PBX1: variants seen among roughly 807,000 people sequenced by gnomAD.
PBX1 encodes the protein PBX homeobox 1.
Under a neutral mutation model 53.4 loss-of-function variants are expected in PBX1, and 6 were observed. The ratio of observed to expected loss-of-function variants is 0.11; its 90% CI spans 0.06 to 0.22. PBX1 has a LOEUF of 0.22. Among genes scored for constraint, PBX1 ranks in the 10% least tolerant of loss-of-function variants. The pLI, the probability that PBX1 is intolerant of heterozygous loss-of-function variation, is 1.00. For synonymous variants in PBX1, 204 were observed against 212.3 expected, an observed-to-expected ratio of 0.96 and a Z score of 0.34; for missense variants, 251 against 551.4, an observed-to-expected ratio of 0.46 and a Z score of 5.46.
At chr1:164,614,980 G>A (rs1161340857) in intron 2 of PBX1, among the ~76,000 whole-genome samples, 2 of 152,134 alleles carry the variant, frequency 1.3e-5, no homozygotes, top group African/African-American at 2.4e-5. Context: ...TCACCATGTT[G>A]ACCAGGCTGG....
At chr1:164,667,410 A>ATG (rs199884600) in intron 2 of PBX1, among the ~76,000 whole-genome samples, 105 of 43,264 alleles carry the variant, frequency 2.4e-3, no homozygotes, top group Admixed American at 9.6e-3. Flanking sequence ...CATATGTATA[A>ATG]TATGTGTGTG....
At chr1:164,793,872 C>CCTTTCTTT (rs1553247240) in intron 3 of PBX1, among the ~76,000 whole-genome samples, 11 of 78,218 alleles carry the variant, frequency 1.4e-4, no homozygotes, top group African/African-American at 4.1e-4. Flanking sequence ...TTTTTCCTTT[C>CCTTTCTTT]TTTTTTTTTT....
chr1:164,648,190 C>G (rs566559880), intron 2 of PBX1, among the ~76,000 whole-genome samples: 11 of 152,234 alleles, frequency 7.2e-5, no homozygotes, highest in Admixed American at 1.3e-4. Flanking sequence ...AGGAGGTGAG[C>G]TTGAGTGTGC....
At chr1:164,595,286 T>G (rs1655676900) in intron 2 of PBX1, among the ~76,000 whole-genome samples, 1 of 152,156 alleles carries the variant, frequency 6.6e-6, no homozygotes, top group Non-Finnish European at 1.5e-5. Flanking sequence ...TGATTCTCCC[T>G]AAAAATCCGT....
chr1:164,750,145 G>GGGGTGTGTGT (rs1666120623), intron 2 of PBX1, among the ~76,000 whole-genome samples: 3 of 140,806 alleles, frequency 2.1e-5, no homozygotes, highest in Admixed American at 7.1e-5. Context: ...GGGGCTAGTT[G>GGGGTGTGTGT]GTGTGTGTGT....
intron 3 of PBX1, among the ~76,000 whole-genome samples, chr1:164,793,515 G>T (rs1668626694): frequency 6.6e-6 from 1 of 152,120 alleles, no homozygotes; most frequent in South Asian, 2.1e-4. Context: ...AAAGGAAAGG[G>T]CAAGAAAGGC....
At chr1:164,786,718 T>TGTGTGTGTGTGTGTGTGTGTGCGC (rs1391268022) in intron 2 of PBX1, among the ~76,000 whole-genome samples, 1 of 100,076 alleles carries the variant, frequency 1.0e-5, no homozygotes, top group African/African-American at 4.3e-5. Flanking sequence ...TGTGTGTGTG[T>TGTGTGTGTGTGTGTGTGTGTGCGC]GTGCGCGCGC....
intron 2 of PBX1, among the ~76,000 whole-genome samples, chr1:164,658,099 C>A (rs1660266074): frequency 6.6e-6 from 1 of 151,406 alleles, no homozygotes; most frequent in South Asian, 2.1e-4. Context: ...AAAAGCTAGA[C>A]CCCTTCTCTC....
intron 8 of PBX1, among the ~76,000 whole-genome samples, chr1:164,841,156 C>T (rs564242759): frequency 6.6e-6 from 1 of 152,086 alleles, no homozygotes; most frequent in African/African-American, 2.4e-5. Flanking sequence ...GAACTGGGGG[C>T]CTGCAGGAGG....
intron 2 of PBX1, among the ~76,000 whole-genome samples, chr1:164,759,253 C>T (rs1666684535): frequency 6.6e-6 from 1 of 152,196 alleles, no homozygotes; most frequent in Admixed American, 6.5e-5. Flanking sequence ...AACCAATATA[C>T]AGGCAACGAT....
At chr1:164,809,405 C>T (rs72698304) in intron 5 of PBX1, among the ~76,000 whole-genome samples, 36,220 of 152,070 alleles carry the variant, frequency 0.24, 5,016 homozygotes, top group Non-Finnish European at 0.31. Context: ...TTCTTTCTTC[C>T]CCATCACATC....
intron 2 of PBX1, among the ~76,000 whole-genome samples, chr1:164,760,773 A>G (rs1464099046): frequency 6.6e-6 from 1 of 152,160 alleles, no homozygotes; most frequent in African/African-American, 2.4e-5. Flanking sequence ...AAATGAAAGT[A>G]GGGAGCTGAG....
intron 2 of PBX1, among the ~76,000 whole-genome samples, chr1:164,695,240 A>C (rs1376201752): frequency 6.6e-6 from 1 of 152,144 alleles, no homozygotes; most frequent in Non-Finnish European, 1.5e-5. Flanking sequence ...AAAGAGTGGC[A>C]TTACAGTCTG....
At chr1:164,640,506 C>T (rs1180889286) in intron 2 of PBX1, among the ~76,000 whole-genome samples, 1 of 149,994 alleles carries the variant, frequency 6.7e-6, no homozygotes, top group East Asian at 2.0e-4. Flanking sequence ...GCACAAAGGA[C>T]AGTTTATAGT....
chr1:164,853,900 C>T (rs1336847846), downstream of PBX1, among the ~76,000 whole-genome samples: 1 of 151,742 alleles, frequency 6.6e-6, no homozygotes, highest in Non-Finnish European at 1.5e-5. Flanking sequence ...ATTAGACTTC[C>T]ACCAAATCCC....
intron 4 of PBX1, among the ~76,000 whole-genome samples, chr1:164,800,980 G>T (rs2102322371): frequency 6.6e-6 from 1 of 152,080 alleles, no homozygotes; most frequent in East Asian, 1.9e-4. Flanking sequence ...TCTCCTACCT[G>T]CATTTTTCTC....
At chr1:164,863,373 A>G (rs1240006235) in intron 2 of PBX1, among the ~76,000 whole-genome samples, 2 of 152,158 alleles carry the variant, frequency 1.3e-5, no homozygotes, top group Admixed American at 1.3e-4. Context: ...TTGTTCCTCT[A>G]ATCAACACAT....
chr1:164,560,232 TTG>T (rs146379931), intron 1 of PBX1: 262 of 455,406 alleles, frequency 5.8e-4, no homozygotes, highest in Middle Eastern at 2.2e-3. Context: ...GTGTACATAT[TTG>T]TGTGTGTGTG....
At chr1:164,600,639 GC>G (rs1190593405) in intron 2 of PBX1, among the ~76,000 whole-genome samples, 1 of 152,184 alleles carries the variant, frequency 6.6e-6, no homozygotes, top group African/African-American at 2.4e-5. Context: ...TCCTGAGGCA[GC>G]CCCATGCCTG....
Sources: allele counts gnomAD v4.1 joint callset (sites outside exome capture counted in the v4.1 genomes callset), GRCh38; gene constraint gnomAD v4.1.1; transcripts MANE v1.5; gene names NCBI Gene and HGNC (gene_info 2026-07-23, HGNC 2026-07-21).